The following DAAM1 variants were observed in gnomAD, a reference collection of about 807,000 sequenced individuals.
DAAM1 encodes disheveled-associated activator of morphogenesis 1.
DAAM1 carries 52 observed loss-of-function variants against 130.0 expected under a neutral mutation model. The observed-to-expected ratio is 0.40, with a 90% CI of 0.32 to 0.50. The LOEUF is 0.50. Ranked by LOEUF, DAAM1 falls within the 20% of genes least tolerant of loss-of-function variation. The probability of loss-of-function intolerance (pLI) is 0.61; values close to 1 mark genes in which losing one functional copy is unlikely to be tolerated. For missense variants in DAAM1, 1,134 were observed against 1,303.8 expected (o/e 0.87, Z 2.01); for synonymous variants, 452 against 444.5 (o/e 1.02, Z -0.21).
chr14:59,361,613 A>G (rs867610622), intron 22 of DAAM1, among the ~76,000 whole-genome samples: 5 of 152,218 alleles, frequency 3.3e-5, no homozygotes, highest in Non-Finnish European at 5.9e-5. Flanking sequence ...CTGAGGAAGG[A>G]AAACCAGTCA....
chr14:59,273,240 C>G (rs1029187196), intron 2 of DAAM1, among the ~76,000 whole-genome samples: 2 of 152,164 alleles, frequency 1.3e-5, no homozygotes, highest in Admixed American at 1.3e-4. Flanking sequence ...TATATTGTAT[C>G]TTACCAAGAT....
At chr14:59,343,400 G>A (rs1189701825) in intron 16 of DAAM1, among the ~76,000 whole-genome samples, 1 of 152,082 alleles carries the variant, frequency 6.6e-6, no homozygotes, top group East Asian at 1.9e-4. Flanking sequence ...TTATGCTTGG[G>A]GACAATGAAT....
chr14:59,254,575 A>G (rs1262116747), intron 1 of DAAM1, among the ~76,000 whole-genome samples: 1 of 152,174 alleles, frequency 6.6e-6, no homozygotes, highest in Non-Finnish European at 1.5e-5. Context: ...GCAACAGGTC[A>G]GCAGGGGGAG....
chr14:59,262,613 A>C (rs1279037901), intron 1 of DAAM1, among the ~76,000 whole-genome samples: 1 of 149,018 alleles, frequency 6.7e-6, no homozygotes, highest in Non-Finnish European at 1.5e-5. Flanking sequence ...TACATATACA[A>C]ATGCCTTGGT....
intron 2 of DAAM1, among the ~76,000 whole-genome samples, chr14:59,280,493 C>A (rs1194796532): frequency 6.6e-6 from 1 of 151,712 alleles, no homozygotes; most frequent in Non-Finnish European, 1.5e-5. Context: ...TTCCCTTCCT[C>A]CCTCCCAGCT....
In DAAM1 at chr14:59,367,907, A is replaced by G. The variant is rs866944071; in HGVS notation, c.2997+308A>G. ...ATTCTTTATAATAGCACCAAGCTAA[A>G]GACAACCTAAATGTTTACCAAAAGG... On this transcript the variant is annotated intron_variant, in intron 24 of 24. Transcript: ENST00000360909. Among the ~76,000 whole-genome samples, 12 of 152,352 alleles carry G rather than the reference A, an allele frequency of 7.9e-5. No homozygotes were observed. The Middle Eastern group carries it at 0.014, about 173-fold the overall frequency.
intron 2 of DAAM1, chr14:59,266,233 G>A (rs1196581074): frequency 1.3e-5 from 2 of 149,576 alleles, no homozygotes; most frequent in Non-Finnish European, 3.0e-5. Flanking sequence ...CCTCAAGTTG[G>A]TGTTTGGATT....
chr14:59,325,652 A>C lies in DAAM1; in HGVS notation c.990-12A>C. 1 of 1,612,584 alleles carries C rather than the reference A, an allele frequency of 6.2e-7. No individual in the cohort carries two copies. The highest frequency in any genetic ancestry group is 1.1e-5 in the South Asian group (1 of 91,020). Reference sequence around the variant, plus strand: ...TGTTCTACTTAATAACTTTTCTTTCATTATTTTTCAGGCATTTAGACTTTT... The same window carrying C: ...TGTTCTACTTAATAACTTTTCTTTCCTTATTTTTCAGGCATTTAGACTTTT... On this transcript the variant is annotated splice_polypyrimidine_tract_variant and intron_variant, in intron 8 of 24. Coordinates refer to ENST00000360909, the MANE Select transcript of DAAM1 (RefSeq NM_001270520.2).
intron 1 of DAAM1, among the ~76,000 whole-genome samples, chr14:59,255,633 G>A (rs1004253253): frequency 2.6e-5 from 4 of 152,272 alleles, no homozygotes; most frequent in Non-Finnish European, 4.4e-5. Context: ...GAAAACATGG[G>A]TGTGGCAACT....
At chr14:59,350,620 C>G (rs1454919112) in intron 17 of DAAM1, among the ~76,000 whole-genome samples, 1 of 152,128 alleles carries the variant, frequency 6.6e-6, no homozygotes, top group Non-Finnish European at 1.5e-5. Context: ...CTCCCTAGAG[C>G]TCTTCTCAGG....
chr14:59,349,496 C>T (rs889964435), intron 17 of DAAM1, among the ~76,000 whole-genome samples: 2 of 152,232 alleles, frequency 1.3e-5, no homozygotes, highest in South Asian at 2.1e-4. Context: ...TCATCTCCCA[C>T]GCTCTTTCTT....
intron 1 of DAAM1, among the ~76,000 whole-genome samples, chr14:59,220,964 C>T (rs1028773894): frequency 6.6e-6 from 1 of 152,202 alleles, no homozygotes; most frequent in African/African-American, 2.4e-5. Flanking sequence ...CAGACACACC[C>T]ACAAATAATG....
At chr14:59,358,143 G>T (rs78372805) in intron 20 of DAAM1, among the ~76,000 whole-genome samples, 124 of 152,310 alleles carry the variant, frequency 8.1e-4, no homozygotes, top group Non-Finnish European at 1.6e-3. Context: ...TCAACAGGGA[G>T]TTTTAAAGAA....
intron 1 of DAAM1, among the ~76,000 whole-genome samples, chr14:59,204,797 C>T (rs1394172987): frequency 9.9e-5 from 15 of 152,096 alleles, no homozygotes; most frequent in Non-Finnish European, 2.1e-4. Flanking sequence ...TTTGGGAGGC[C>T]GAGGCAGGTG....
At chr14:59,332,594 T>C (rs1475673279) in intron 15 of DAAM1, among the ~76,000 whole-genome samples, 1 of 152,232 alleles carries the variant, frequency 6.6e-6, no homozygotes, top group Non-Finnish European at 1.5e-5. Context: ...GGCATCACTA[T>C]GTGAGCCCCA....
intron 1 of DAAM1, among the ~76,000 whole-genome samples, chr14:59,259,465 AT>A (rs1338861291): frequency 1.4e-4 from 21 of 152,252 alleles, no homozygotes; most frequent in African/African-American, 5.1e-4. Flanking sequence ...TCTTGCCCTC[AT>A]TTCCTGGTAG....
intron 20 of DAAM1, among the ~76,000 whole-genome samples, chr14:59,356,560 C>T (rs1357038489): frequency 6.6e-6 from 1 of 152,198 alleles, no homozygotes; most frequent in Non-Finnish European, 1.5e-5. Flanking sequence ...GCAAGGTATT[C>T]GGCCTTACAG....
At chr14:59,345,553 G>A (rs775700869) in intron 16 of DAAM1, among the ~76,000 whole-genome samples, 1 of 152,128 alleles carries the variant, frequency 6.6e-6, no homozygotes, top group Non-Finnish European at 1.5e-5. Context: ...TAGCAAGGTG[G>A]ATGGTTTTAA....
In DAAM1 at chr14:59,349,795, C is replaced by G. The variant is rs185172497; in HGVS notation, c.2160+2172C>G. On this transcript the variant is annotated intron_variant, in intron 17 of 24. Transcript: ENST00000360909. ...CCCACGCACAGTCCTTTACACAACT[C>G]TCCTTTGAGAGGGGACTGAGTTTTT... Among the ~76,000 whole-genome samples the G allele has an allele frequency of 4.6e-5, 7 of 152,336 alleles. No individual in the cohort carries two copies. In the East Asian group the frequency reaches 1.4e-3, roughly 29 times the overall value.
Sources: gnomAD v4.1 joint callset for allele counts (sites outside exome capture counted in the v4.1 genomes callset) on GRCh38, gnomAD v4.1.1 for gene constraint, MANE v1.5 for transcripts, NCBI Gene and HGNC (gene_info 2026-07-23, HGNC 2026-07-21) for gene names.